PSMA3: variants seen among roughly 807,000 people sequenced by gnomAD.
PSMA3 encodes the protein proteasome subunit alpha type-3.
PSMA3 carries 8 observed loss-of-function variants against 40.0 expected under a neutral mutation model. The ratio of observed to expected loss-of-function variants is 0.20; its 90% confidence interval spans 0.12 to 0.36. The LOEUF is 0.36. Ranked by LOEUF, PSMA3 falls within the 10% of genes least tolerant of loss-of-function variation. The probability of loss-of-function intolerance (pLI) is 1.00; values close to 1 mark genes in which losing one functional copy is unlikely to be tolerated. For missense variants in PSMA3, 219 were observed against 310.6 expected, an observed-to-expected ratio of 0.70 and a Z score of 2.22; for synonymous variants, 110 against 100.0, an observed-to-expected ratio of 1.10 and a Z score of -0.59.
At chr14:58,251,983 C>G (rs1890022003) in intron 2 of PSMA3, 136 bp from the exon 3 acceptor site, 1 of 822,914 alleles carries the variant, frequency 1.2e-6, no homozygotes, top group African/African-American at 1.8e-5. Context: ...AGTGTGTTTT[C>G]TCTTCCTGGT....
intron 3 of PSMA3, 115 bp downstream of exon 3, chr14:58,252,357 T>C (rs1890031826): frequency 7.7e-7 from 1 of 1,306,280 alleles, no homozygotes. Context: ...ACTGCATTTG[T>C]CCAGTTCACT....
At chr14:58,263,836 G>C (rs754540159) in intron 7 of PSMA3, 66 bp downstream of exon 7, 17 of 1,432,804 alleles carry the variant, frequency 1.2e-5, no homozygotes, top group Non-Finnish European at 1.7e-5. Flanking sequence ...TATCACCACA[G>C]ACATTTCAGT....
At chr14:58,259,476 G>A (rs913028097) in intron 5 of PSMA3, among the ~76,000 whole-genome samples, 2 of 152,000 alleles carry the variant, frequency 1.3e-5, no homozygotes, top group African/African-American at 2.4e-5. Context: ...CACCACGCCC[G>A]GCTAATTTTT....
At chr14:58,260,918 G>A in intron 5 of PSMA3, 30 bp from the exon 6 acceptor site, 1 of 1,507,554 alleles carries the variant, frequency 6.6e-7, no homozygotes, top group Non-Finnish European at 9.1e-7. Context: ...TTATTGCCAT[G>A]GTTTAAGCTG....
At chr14:58,254,220 G>T (rs1890086167) in intron 3 of PSMA3, among the ~76,000 whole-genome samples, 1 of 150,442 alleles carries the variant, frequency 6.6e-6, no homozygotes, top group African/African-American at 2.4e-5. Context: ...TATTGCCAGT[G>T]AAACTGATAT....
At chr14:58,247,662 C>T (rs1248007544) in intron 1 of PSMA3, 88 bp from the exon 2 acceptor site, 4 of 826,044 alleles carry the variant, frequency 4.8e-6, no homozygotes, top group African/African-American at 1.7e-5. Flanking sequence ...ATAACAGGTT[C>T]CTGATGTTTC....
At chr14:58,259,859 T>G (rs1340788410) in intron 5 of PSMA3, among the ~76,000 whole-genome samples, 1 of 152,036 alleles carries the variant, frequency 6.6e-6, no homozygotes, top group African/African-American at 2.4e-5. Context: ...GTGTAGAGTA[T>G]GAGGTTTAGA....
At chr14:58,270,366 ACTT>A in intron 8 of PSMA3, 49 bp from the exon 9 acceptor site, 2 of 1,606,800 alleles carry the variant, frequency 1.2e-6, no homozygotes, top group Non-Finnish European at 1.7e-6. Flanking sequence ...TCTGTGAACT[ACTT>A]CAATGTTTGG....
intron 6 of PSMA3, chr14:58,263,448 T>TA (rs1566642870): frequency 3.6e-6 from 1 of 276,158 alleles, no homozygotes; most frequent in Non-Finnish European, 6.8e-6. Flanking sequence ...CAAAATGTCT[T>TA]AAAGTGTATA....
At chr14:58,271,129 C>A in intron 10 of PSMA3, 131 bp downstream of exon 10, 1 of 498,252 alleles carries the variant, frequency 2.0e-6, no homozygotes, top group Non-Finnish European at 3.5e-6. Flanking sequence ...AATTCTCTAA[C>A]CAAAATTATG....
chr14:58,260,568 G>GA (rs1250036548), intron 5 of PSMA3, among the ~76,000 whole-genome samples: 5 of 152,162 alleles, frequency 3.3e-5, no homozygotes, highest in Non-Finnish European at 5.9e-5. Context: ...ATGAAGGGTG[G>GA]AAAGAATTTC....
chr14:58,270,766 T>TA (rs2140099545), intron 9 of PSMA3, among the ~76,000 whole-genome samples, 168 bp from the exon 10 acceptor site: 1 of 152,360 alleles, frequency 6.6e-6, no homozygotes, highest in South Asian at 2.1e-4. Flanking sequence ...TAGGCACATA[T>TA]AATCTCATGT....
At chr14:58,263,530 T>C (rs1890342936) in intron 6 of PSMA3, 175 bp from the exon 7 acceptor site, 2 of 472,492 alleles carry the variant, frequency 4.2e-6, no homozygotes, top group African/African-American at 3.9e-5. Flanking sequence ...TTGTTTGGTA[T>C]TTTAGTATTT....
chr14:58,267,585 C>T (rs756106516), intron 8 of PSMA3, 65 bp downstream of exon 8: 5 of 1,438,362 alleles, frequency 3.5e-6, no homozygotes, highest in Non-Finnish European at 1.8e-6. Context: ...ATATATATTA[C>T]ATTAATCCTA....
In PSMA3 at chr14:58,261,650, A is replaced by C. The variant is rs749948383; in HGVS notation, c.477+630A>C. Among the ~76,000 whole-genome samples the C allele has an allele frequency of 7.2e-5, 11 of 152,166 alleles. 1 individual carries two copies. Among genetic ancestry groups the C allele is most frequent in the Non-Finnish European group, 1.6e-4 (11 of 68,022 alleles). Reference sequence around the variant, plus strand: ...ATGTCTTTTTTCCTCATTCTTGCCCAGGCTGGAGTGCAGTGACACAATCAT... The same window carrying C: ...ATGTCTTTTTTCCTCATTCTTGCCCCGGCTGGAGTGCAGTGACACAATCAT... On this transcript the variant is annotated intron_variant, in intron 6 of 10. Transcript: ENST00000216455.
chr14:58,262,193 T>C (rs1184056288), intron 6 of PSMA3, among the ~76,000 whole-genome samples: 1 of 136,880 alleles, frequency 7.3e-6, no homozygotes, highest in African/African-American at 2.5e-5. Context: ...CCTGCCAAAG[T>C]GCAAGGATTA....
chr14:58,252,959 A>C (rs941446981), intron 3 of PSMA3, among the ~76,000 whole-genome samples: 6 of 151,726 alleles, frequency 4.0e-5, no homozygotes, highest in African/African-American at 1.5e-4. Context: ...CAACCCAGTG[A>C]AGGTTATATC....
At chr14:58,247,223 TTTTA>T (rs1371547948) in intron 1 of PSMA3, among the ~76,000 whole-genome samples, 3 of 152,220 alleles carry the variant, frequency 2.0e-5, no homozygotes, top group African/African-American at 7.2e-5. Flanking sequence ...TGCTTTACTC[TTTTA>T]TTTTCATCTT....
At chr14:58,258,647 A>G (rs1401443679) in intron 5 of PSMA3, among the ~76,000 whole-genome samples, 1 of 152,002 alleles carries the variant, frequency 6.6e-6, no homozygotes, top group Admixed American at 6.6e-5. Flanking sequence ...AAGTGCTGAT[A>G]TTTTATTGTG....
Sources: gnomAD v4.1 joint callset for allele counts (sites outside exome capture counted in the v4.1 genomes callset) on GRCh38, gnomAD v4.1.1 for gene constraint, MANE v1.5 for transcripts, NCBI Gene and HGNC (gene_info 2026-07-23, HGNC 2026-07-21) for gene names.